Variants in GFPT1 observed in about 807,000 individuals in gnomAD.
GFPT1 encodes glutamine--fructose-6-phosphate transaminase 1, also known as glutamine--fructose-6-phosphate aminotransferase [isomerizing] 1.
Under a neutral mutation model 92.0 loss-of-function variants are expected in GFPT1, and 40 were observed. The observed-to-expected ratio is 0.43, with a 90% CI of 0.34 to 0.57. GFPT1 has a LOEUF of 0.57. GFPT1 is among the 20% of genes least tolerant of loss of function. The probability of loss-of-function intolerance (pLI) is 0.02; values close to 1 mark genes in which losing one functional copy is unlikely to be tolerated. For missense variants in GFPT1, 448 were observed against 869.1 expected, an observed-to-expected ratio of 0.52 and a Z score of 6.09; for synonymous variants, 269 against 280.6, an observed-to-expected ratio of 0.96 and a Z score of 0.41.
intron 1 of GFPT1, among the ~76,000 whole-genome samples, chr2:69,379,389 C>T (rs533381186): frequency 1.3e-5 from 2 of 152,246 alleles, no homozygotes; most frequent in Admixed American, 6.5e-5. Context: ...CATGGTGGTG[C>T]ATGCCTGTAG....
chr2:69,348,830 T>C (rs891609066), intron 10 of GFPT1, among the ~76,000 whole-genome samples: 2 of 152,214 alleles, frequency 1.3e-5, no homozygotes, highest in Non-Finnish European at 2.9e-5. Flanking sequence ...ACAAACCATT[T>C]GACAGTTTCC....
Position 69,354,555 on chromosome 2 carries a change from G to A in GFPT1, c.619C>T (p.Leu207=). Residue 207 remains leucine, a synonymous_variant, in exon 8 of 20, where the codon CTG becomes TTG. Transcript: ENST00000357308. ...TGTTCACTCCGTACACCAATCAACAGAGGGCTACCTCGCCTGTAAATTGCA... is the reference window on the plus strand; with the variant it reads ...TGTTCACTCCGTACACCAATCAACAAAGGGCTACCTCGCCTGTAAATTGCA... ...QAVGTRRGSP[L]LIGVRSEHKL... is the part of the protein sequence containing the mutation. 1 of 1,607,348 alleles carries A rather than the reference G, an allele frequency of 6.2e-7. No individual in the cohort carries two copies. The highest frequency in any genetic ancestry group is 8.5e-7 in the Non-Finnish European group (1 of 1,173,832).
intron 15 of GFPT1, among the ~76,000 whole-genome samples, chr2:69,334,173 T>C (rs1245430108): frequency 6.6e-6 from 1 of 151,812 alleles, no homozygotes; most frequent in African/African-American, 2.4e-5. Flanking sequence ...ATAATAATAA[T>C]AGTAATAATA....
At position 69,348,289 on chromosome 2, in the gene GFPT1, A is replaced by G. The variant is rs1315958314; in HGVS notation, c.891T>C (p.Asp297=). 4 of 1,612,782 alleles carry G rather than the reference A, an allele frequency of 2.5e-6. No homozygotes were observed. The highest frequency in any genetic ancestry group is 3.3e-5 in the Admixed American group (2 of 60,014). Residue 297 remains aspartate, a synonymous_variant, in exon 11 of 20, where the codon GAT becomes GAC. Coordinates refer to ENST00000357308, the MANE Select transcript of GFPT1 (RefSeq NM_001244710.2). ...HTNRVIFLED[D]DVAAVVDGRL... ...GTCCATCCACTACTGCTGCAACATC[A>G]TCATCTTCCAGAAAGATGACGCGAT...
rs1445502847 is a variant in GFPT1 at position 69,348,246 on chromosome 2, T to G, written c.934A>C (p.Ile312Leu). Residue 312 changes from isoleucine (I) to leucine (L), a missense_variant, in exon 11 of 20, where the codon ATT (isoleucine) becomes CTT (leucine). Ile to Leu is a conservative substitution (Grantham distance 5, BLOSUM62 2). Coordinates refer to ENST00000357308, the MANE Select transcript of GFPT1 (RefSeq NM_001244710.2). ...VVDGRLSIHR[I>L]KRTAGDHPGR... ...GGGTGATCTCCTGCAGTTCGTTTAA[T>G]TCGATGGATAGAAAGACGTCCATCC... 6.2e-7 allele frequency: 1 copy of G among 1,613,170 alleles called. No homozygotes were observed. Among genetic ancestry groups the G allele is most frequent in the Admixed American group, 1.7e-5 (1 of 60,002 alleles).
chr2:69,346,808 C>A (rs1004503961), intron 11 of GFPT1, among the ~76,000 whole-genome samples: 4 of 152,056 alleles, frequency 2.6e-5, no homozygotes, highest in African/African-American at 9.7e-5. Context: ...CCGCTCACTG[C>A]AGCCTCAATC....
chr2:69,362,883 A>G (rs1449428582), intron 4 of GFPT1, among the ~76,000 whole-genome samples: 1 of 152,202 alleles, frequency 6.6e-6, no homozygotes, highest in Non-Finnish European at 1.5e-5. Context: ...GACTATTCCA[A>G]GTAACTCTAA....
At chr2:69,334,458 A>C (rs538216352) in intron 15 of GFPT1, 23 of 152,278 alleles carry the variant, frequency 1.5e-4, no homozygotes, top group African/African-American at 5.3e-4. Context: ...ATGGGTAAAA[A>C]GTATGTAAGA....
chr2:69,372,063 G>A (rs1379820415), intron 2 of GFPT1, among the ~76,000 whole-genome samples: 2 of 151,256 alleles, frequency 1.3e-5, no homozygotes, highest in Non-Finnish European at 2.9e-5. Flanking sequence ...AGCTGGGTGT[G>A]GTGGCAGGCA....
rs375268742 is a variant in GFPT1 at position 69,348,216 on chromosome 2, G to A, written c.964C>T (p.Arg322Ter). The A allele has an allele frequency of 6.2e-6, 10 of 1,613,706 alleles. No homozygotes were observed. The highest frequency in any genetic ancestry group is 2.7e-5 in the African/African-American group (2 of 74,918). Reference protein sequence around the residue: ...IKRTAGDHPGRAVQTLQMELQ... With the variant: ...IKRTAGDHPG Reference sequence around the variant, plus strand: ...TCCATCTGGAGTGTTTGCACAGCTCGTCCGGGGTGATCTCCTGCAGTTCGT... The same window carrying A: ...TCCATCTGGAGTGTTTGCACAGCTCATCCGGGGTGATCTCCTGCAGTTCGT... Residue 322 changes from arginine to a stop codon, truncating the protein, a stop_gained, in exon 11 of 20, where the codon CGA becomes TGA. Coordinates refer to ENST00000357308, the MANE Select transcript of GFPT1 (RefSeq NM_001244710.2). LOFTEE classifies it high-confidence loss of function.
At chr2:69,333,705 T>C (rs921542972) in intron 15 of GFPT1, among the ~76,000 whole-genome samples, 7 of 152,226 alleles carry the variant, frequency 4.6e-5, no homozygotes, top group Non-Finnish European at 8.8e-5. Context: ...TACCCATCAA[T>C]TCCTCCAGTA....
At chr2:69,382,405 A>C (rs1672033240) in intron 1 of GFPT1, among the ~76,000 whole-genome samples, 1 of 151,672 alleles carries the variant, frequency 6.6e-6, no homozygotes, top group Non-Finnish European at 1.5e-5. Flanking sequence ...ACTTCTCAAC[A>C]CTCCCAGGGG....
intron 12 of GFPT1, among the ~76,000 whole-genome samples, chr2:69,342,575 C>T (rs961400853): frequency 6.6e-6 from 1 of 152,094 alleles, no homozygotes; most frequent in Non-Finnish European, 1.5e-5. Context: ...TAGAGGGACA[C>T]AGAAAACAGA....
chr2:69,356,441 A>C, intron 7 of GFPT1, 55 bp downstream of exon 7: 1 of 1,207,028 alleles, frequency 8.3e-7, no homozygotes, highest in Non-Finnish European at 1.2e-6. Context: ...ACGAAGAATA[A>C]ACATGTAACT....
intron 1 of GFPT1, 57 bp downstream of exon 1, chr2:69,387,008 C>T: frequency 1.5e-6 from 2 of 1,353,586 alleles, no homozygotes; most frequent in Non-Finnish European, 2.0e-6. Context: ...CTTAGCGGCA[C>T]CCGCACCGCA....
At chr2:69,371,959 T>C (rs892176550) in intron 2 of GFPT1, among the ~76,000 whole-genome samples, 3 of 151,416 alleles carry the variant, frequency 2.0e-5, no homozygotes, top group Non-Finnish European at 1.5e-5. Context: ...CCCAGCACTT[T>C]GGGAGGCCGA....
Position 69,359,332 on chromosome 2 carries a change from A to G in GFPT1, c.350-6T>C. 1 of 1,514,724 alleles carries G rather than the reference A, an allele frequency of 6.6e-7. No individual in the cohort carries two copies. The highest frequency in any genetic ancestry group is 9.2e-7 in the Non-Finnish European group (1 of 1,091,096). The allele number at this position is 1,514,724 out of a possible 1,614,324, so 93.8% of individuals were successfully genotyped here. ...ATTGTGAATAACGATAAATTCTAAAAGAGGTAAAAGTGTTGAAGACAAAAA... is the reference window on the plus strand; with the variant it reads ...ATTGTGAATAACGATAAATTCTAAAGGAGGTAAAAGTGTTGAAGACAAAAA... On this transcript the variant is annotated splice_polypyrimidine_tract_variant and splice_region_variant and intron_variant, in intron 4 of 19. Transcript: ENST00000357308.
intron 2 of GFPT1, 106 bp downstream of exon 2, chr2:69,373,900 C>T: frequency 3.1e-6 from 2 of 639,248 alleles, no homozygotes; most frequent in Middle Eastern, 6.1e-4. Flanking sequence ...CCAATTTACA[C>T]TTACTCAAAA....
In GFPT1 at chr2:69,329,773, A is replaced by T; in HGVS notation, c.1508T>A (p.Leu503His). The T allele has an allele frequency of 6.2e-7, 1 of 1,609,108 alleles. No homozygotes were observed. The highest frequency in any genetic ancestry group is 8.5e-7 in the Non-Finnish European group (1 of 1,175,362). ...ACACATCATAAGGGCAAACATCACAAGGGATACAAACTGGCTGGTATAAGC... is the reference window on the plus strand; with the variant it reads ...ACACATCATAAGGGCAAACATCACATGGGATACAAACTGGCTGGTATAAGC... ...TKAYTSQFVS[L>H]VMFALMMCDD... The change falls in exon 16 of 20, where the codon CTT becomes CAT. Residue 503 changes from leucine to histidine, a missense_variant. Coordinates refer to ENST00000357308, the MANE Select transcript of GFPT1 (RefSeq NM_001244710.2).
Sources: gnomAD v4.1 joint callset for allele counts (sites outside exome capture counted in the v4.1 genomes callset) on GRCh38, gnomAD v4.1.1 for gene constraint, MANE v1.5 for transcripts, NCBI Gene and HGNC (gene_info 2026-07-23, HGNC 2026-07-21) for gene names.